RGS11: variants seen among roughly 807,000 people sequenced by gnomAD.
RGS11 encodes the protein regulator of G protein signaling 11.
A neutral mutation model predicts 71.1 loss-of-function variants in RGS11; 86 were observed. That is an observed-to-expected ratio of 1.21 (90% confidence interval 1.02 to 1.45). The LOEUF (loss-of-function observed/expected upper bound fraction) is 1.45, where lower values mean the gene tolerates loss of function less well. Ranked by LOEUF, RGS11 falls within the 40% of genes most tolerant of loss-of-function variation. The pLI, the probability that RGS11 is intolerant of heterozygous loss-of-function variation, is 0.00. For synonymous variants in RGS11, 298 were observed against 254.2 expected (o/e 1.17, Z -1.64); for missense variants, 734 against 635.1 (o/e 1.16, Z -1.67).
chr16:269,578 TA>T lies in RGS11; in HGVS notation c.1213del (p.Tyr405ThrfsTer5). 2.5e-6 allele frequency: 4 copies of T among 1,612,832 alleles called. No homozygotes were observed. Among genetic ancestry groups the T allele is most frequent in the Non-Finnish European group, 3.4e-6 (4 of 1,179,508 alleles). On this transcript the variant is annotated frameshift_variant, in exon 16 of 17. Transcript: ENST00000397770. LOFTEE classifies it high-confidence loss of function. ...CATGTCAGACTTCAGGAACCTTGGG[TA>T]GGAGTCCTACAAGAGACAGCGTCCA... The part of the protein sequence containing the change: ...HIYMLMKKDS[Y>X]PRFLKSDMYK...
Position 268,485 on chromosome 16 carries a change from A to C in RGS11, c.*784T>G. The stretch of plus-strand genomic sequence containing the variant: ...ACCCAGTCTGGGGGACTGGTGAGGC[A>C]CTTGGGGGATGGGGAGCAAGGCCAG... On this transcript the variant is annotated 3_prime_UTR_variant, in exon 17 of 17. Coordinates refer to ENST00000397770, the MANE Select transcript of RGS11 (RefSeq NM_183337.3). The C allele has an allele frequency of 2.0e-6, 1 of 504,254 alleles. No homozygotes were observed. The highest frequency in any genetic ancestry group is 1.9e-5 in the African/African-American group (1 of 51,894). The allele number at this position is 504,254 out of a possible 1,614,324, so 31.2% of individuals were successfully genotyped here.
intron 1 of RGS11, 143 bp from the exon 2 acceptor site, chr16:275,641 G>C (rs1323847858): frequency 1.4e-6 from 1 of 735,496 alleles, no homozygotes; most frequent in East Asian, 3.1e-5. Flanking sequence ...CGGCGGGGAC[G>C]CGGGGCGGGC....
chr16:269,457 GC>G, intron 16 of RGS11, 45 bp downstream of exon 16: 1 of 1,600,336 alleles, frequency 6.2e-7, no homozygotes. Flanking sequence ...GGCCCCAGCA[GC>G]CCCCAGGCCA....
Position 273,755 on chromosome 16 carries a change from C to G in RGS11, c.506+5G>C. 6.2e-7 allele frequency: 1 copy of G among 1,611,504 alleles called. No homozygotes were observed. The highest frequency in any genetic ancestry group is 8.5e-7 in the Non-Finnish European group (1 of 1,178,896). On this transcript the variant is annotated splice_donor_5th_base_variant and intron_variant, in intron 7 of 16. Coordinates refer to ENST00000397770, the MANE Select transcript of RGS11 (RefSeq NM_183337.3). Reference sequence around the variant, plus strand: ...CAGGCGGGGCGGGGCAGGGCGGGGCCTCACCTCAGCTGCTCCCTCGCCTGC... The same window carrying G: ...CAGGCGGGGCGGGGCAGGGCGGGGCGTCACCTCAGCTGCTCCCTCGCCTGC...
Position 270,512 on chromosome 16 carries a change from C to T in RGS11, c.1206+11G>A. 1 of 1,597,308 alleles carries T rather than the reference C, an allele frequency of 6.3e-7. No homozygotes were observed. The highest frequency in any genetic ancestry group is 1.1e-5 in the South Asian group (1 of 88,816). On this transcript the variant is annotated intron_variant, in intron 15 of 16. Coordinates refer to ENST00000397770, the MANE Select transcript of RGS11 (RefSeq NM_183337.3). ...ACCCCTCCTGCCCCTGCAGGCTGGCCCAGCACCCACCTTCTTCATGAGCAT... is the reference window on the plus strand; with the variant it reads ...ACCCCTCCTGCCCCTGCAGGCTGGCTCAGCACCCACCTTCTTCATGAGCAT...
At chr16:274,906 C>A (rs1469273125) in intron 4 of RGS11, 70 bp downstream of exon 4, 18 of 1,541,444 alleles carry the variant, frequency 1.2e-5, no homozygotes, top group Non-Finnish European at 1.5e-5. Context: ...CTCCTGTCTC[C>A]CCGAGTTGGT....
chr16:269,520 C>T lies in RGS11; in HGVS notation c.1272G>A (p.Pro424=), dbSNP rs780702342. ...YKALLAEAGI[P]LEMKRRVFPF... ...GGGCTCACCGTCTCTTCATCTCCAG[C>T]GGGATCCCAGCCTCTGCCAGGAGGG... Residue 424 remains proline (P), a synonymous_variant, in exon 16 of 17, where the codon CCG becomes CCA. Coordinates refer to ENST00000397770, the MANE Select transcript of RGS11 (RefSeq NM_183337.3). The T allele has an allele frequency of 2.4e-5, 38 of 1,613,082 alleles. No individual in the cohort carries two copies. The highest frequency in any genetic ancestry group is 6.6e-5 in the South Asian group (6 of 91,092).
Position 275,494 on chromosome 16 carries a change from T to A in RGS11, c.68A>T (p.Glu23Val), listed in dbSNP as rs1448422024. 5 of 1,569,970 alleles carry A rather than the reference T, an allele frequency of 3.2e-6. No individual in the cohort carries two copies. The highest frequency in any genetic ancestry group is 2.3e-5 in the South Asian group (2 of 88,282). The change falls in exon 2 of 17, where the codon GAG becomes GTG. Residue 23 changes from glutamate to valine, a missense_variant. By Grantham distance (121) the Glu-to-Val change is moderately radical. Coordinates refer to ENST00000397770, the MANE Select transcript of RGS11 (RefSeq NM_183337.3). ...RAQMPHLRKM[E>V]RVVVSMQDPD... ...GTCCTGCATGCTCACGACCACCCGC[T>A]CCATCTGGGCGGAGGGAGTCGTCAG...
intron 3 of RGS11, 66 bp from the exon 4 acceptor site, chr16:275,148 T>G (rs1315887479): frequency 6.5e-7 from 1 of 1,527,402 alleles, no homozygotes; most frequent in Non-Finnish European, 8.8e-7. Context: ...GAGCCGGGCC[T>G]CCTCTCCCCT....
At chr16:274,863 A>G in intron 4 of RGS11, 113 bp downstream of exon 4, 1 of 1,391,726 alleles carries the variant, frequency 7.2e-7, no homozygotes, top group Non-Finnish European at 9.8e-7. Context: ...GACATGGCGG[A>G]GTCCCACTCC....
At chr16:275,786 G>T in intron 1 of RGS11, 63 bp downstream of exon 1, 1 of 547,836 alleles carries the variant, frequency 1.8e-6, no homozygotes, top group Non-Finnish European at 2.6e-6. Context: ...CATGCTCTCC[G>T]GCCCCTCCCG....
intron 13 of RGS11, 34 bp from the exon 14 acceptor site, chr16:270,865 C>A (rs751576770): frequency 4.4e-6 from 7 of 1,602,328 alleles, no homozygotes; most frequent in East Asian, 4.5e-5. Flanking sequence ...AGGATCCCAT[C>A]GAGAGTGGCA....
At chr16:273,062 G>T in intron 8 of RGS11, 131 bp from the exon 9 acceptor site, 1 of 842,656 alleles carries the variant, frequency 1.2e-6, no homozygotes, top group Non-Finnish European at 1.8e-6. Flanking sequence ...TCCCGACCTA[G>T]CCGTCAGCTG....
At chr16:275,611 G>A (rs1350220255) in intron 1 of RGS11, 113 bp from the exon 2 acceptor site, 3 of 953,306 alleles carry the variant, frequency 3.1e-6, no homozygotes, top group South Asian at 3.5e-5. Flanking sequence ...CGGCGGCGGC[G>A]GATTCCAGGC....
At chr16:272,449 C>T (rs1237991311) in intron 9 of RGS11, 2 of 1,317,324 alleles carry the variant, frequency 1.5e-6, no homozygotes, top group Non-Finnish European at 2.0e-6. Context: ...CTGCGGGGCT[C>T]AGATGCTCCC....
In RGS11 at chr16:270,554, G is replaced by T. The variant is rs374102755; in HGVS notation, c.1175C>A (p.Ala392Asp). Residue 392 changes from alanine to aspartate, a missense_variant, in exon 15 of 17, where the codon GCC becomes GAC. Ala to Asp is a moderately radical substitution (Grantham distance 126). Transcript: ENST00000397770. ...CATGAGCATGTATATGTGCAGCTGG[G>T]CGTCATCCAGGACATAGCGGTGGGG... ...RQPHRYVLDD[A>D]QLHIYMLMKK... 2.5e-6 allele frequency: 4 copies of T among 1,608,586 alleles called. No individual in the cohort carries two copies. Among genetic ancestry groups the T allele is most frequent in the Non-Finnish European group, 3.4e-6 (4 of 1,178,074 alleles).
In RGS11 at chr16:268,721, AAGGCAGTGACCTCG is replaced by A; in HGVS notation, c.*534_*547del. ...GAGGGAGGAATAGGCGCAGCTCCGG[AAGGCAGTGACCTCG>A]AGGCAGCCTCAGCACGGCACTCTCT... On this transcript the variant is annotated 3_prime_UTR_variant, in exon 17 of 17. Transcript: ENST00000397770. 1 of 1,524,954 alleles carries A rather than the reference AAGGCAGTGACCTCG, an allele frequency of 6.6e-7. No homozygotes were observed. Among genetic ancestry groups the A allele is most frequent in the Non-Finnish European group, 8.8e-7 (1 of 1,130,008 alleles). 94.5% of individuals were successfully genotyped at this position (1,524,954 alleles called of 1,614,324 possible).
At position 268,696 on chromosome 16, in the gene RGS11, G is replaced by C; in HGVS notation, c.*573C>G. On this transcript the variant is annotated 3_prime_UTR_variant, in exon 17 of 17. Coordinates refer to ENST00000397770, the MANE Select transcript of RGS11 (RefSeq NM_183337.3). The stretch of plus-strand genomic sequence containing the variant: ...GGACAAATTCTGGAACGCGTTTGGC[G>C]AGGGAGGAATAGGCGCAGCTCCGGA... 2 of 1,446,464 alleles carry C rather than the reference G, an allele frequency of 1.4e-6. No individual in the cohort carries two copies. Among genetic ancestry groups the C allele is most frequent in the Non-Finnish European group, 1.9e-6 (2 of 1,065,280 alleles). 89.6% of individuals were successfully genotyped at this position (1,446,464 alleles called of 1,614,324 possible).
intron 7 of RGS11, 96 bp from the exon 8 acceptor site, chr16:273,652 G>T: frequency 6.7e-7 from 1 of 1,499,912 alleles, no homozygotes; most frequent in Non-Finnish European, 9.2e-7. Context: ...GCCACACCCA[G>T]GGGTGCCCTC....
Sources: gnomAD v4.1 joint callset for allele counts on GRCh38, gnomAD v4.1.1 for gene constraint, MANE v1.5 for transcripts, NCBI Gene and HGNC (gene_info 2026-07-23, HGNC 2026-07-21) for gene names.